Variants in PKIB observed in about 807,000 individuals in gnomAD.
PKIB encodes the protein cAMP-dependent protein kinase inhibitor beta.
In PKIB, 2 loss-of-function variants were observed where a neutral mutation model predicts 4.5. The ratio of observed to expected loss-of-function variants is 0.44; its 90% CI spans 0.18 to 1.39. The LOEUF (loss-of-function observed/expected upper bound fraction) is 1.39. Ranked by LOEUF, PKIB falls within the 40% of genes most tolerant of loss-of-function variation. PKIB has a pLI of 0.27. For missense variants in PKIB, 94 were observed against 92.6 expected, an observed-to-expected ratio of 1.02 and a Z score of -0.06; for synonymous variants, 38 against 36.0, an observed-to-expected ratio of 1.06 and a Z score of -0.20.
intron 2 of PKIB, among the ~76,000 whole-genome samples, chr6:122,556,691 T>C (rs1772852559): frequency 6.6e-6 from 1 of 152,070 alleles, no homozygotes. Flanking sequence ...GCACAGAGCT[T>C]TAATAATTTT....
At chr6:122,629,212 C>G (rs1350219031) in intron 1 of PKIB, among the ~76,000 whole-genome samples, 1 of 152,134 alleles carries the variant, frequency 6.6e-6, no homozygotes. Context: ...CCAGATAGAG[C>G]TATATGCTAG....
At chr6:122,677,873 TCC>T (rs1449734783) in intron 3 of PKIB, among the ~76,000 whole-genome samples, 32 of 115,866 alleles carry the variant, frequency 2.8e-4, no homozygotes, top group Middle Eastern at 4.3e-3. Flanking sequence ...CTTCCTTCCT[TCC>T]TTCCTTCCTT....
intron 2 of PKIB, among the ~76,000 whole-genome samples, chr6:122,565,384 T>C (rs972716884): frequency 1.3e-5 from 2 of 152,170 alleles, no homozygotes; most frequent in African/African-American, 4.8e-5. Flanking sequence ...AGATTTTGCC[T>C]TTTTTGATTT....
At chr6:122,611,715 T>C (rs897023651) in intron 1 of PKIB, among the ~76,000 whole-genome samples, 2 of 152,194 alleles carry the variant, frequency 1.3e-5, no homozygotes, top group African/African-American at 4.8e-5. Flanking sequence ...CCTGGGATTT[T>C]ATATTTAGAA....
chr6:122,713,279 A>T (rs114392656), intron 3 of PKIB, among the ~76,000 whole-genome samples: 206 of 152,280 alleles, frequency 1.4e-3, no homozygotes, highest in African/African-American at 4.7e-3. Context: ...ACAGTTGACA[A>T]AGCAGCACTC....
chr6:122,628,264 C>T (rs62422816), intron 1 of PKIB, among the ~76,000 whole-genome samples: 7,141 of 152,180 alleles, frequency 0.047, 183 homozygotes, highest in South Asian at 0.094. Context: ...CTCAAACTCC[C>T]GACCTCAGGT....
intron 1 of PKIB, among the ~76,000 whole-genome samples, chr6:122,624,184 C>A (rs1775345459): frequency 6.6e-6 from 1 of 152,086 alleles, no homozygotes; most frequent in South Asian, 2.1e-4. Flanking sequence ...TTCAGGAGGG[C>A]AACTTAATCA....
intron 1 of PKIB, among the ~76,000 whole-genome samples, chr6:122,611,729 T>C (rs1774767452): frequency 6.6e-6 from 1 of 152,182 alleles, no homozygotes; most frequent in South Asian, 2.1e-4. Context: ...TTTAGAAAGC[T>C]CAGCATTTGG....
intron 3 of PKIB, among the ~76,000 whole-genome samples, chr6:122,604,690 C>G (rs185068352): frequency 3.9e-5 from 6 of 152,322 alleles, no homozygotes; most frequent in African/African-American, 9.6e-5. Context: ...CTTAGTTCTT[C>G]ATCTTCCCTT....
chr6:122,701,579 G>A, intron 3 of PKIB: 1 of 1,502,570 alleles, frequency 6.7e-7, no homozygotes, highest in South Asian at 1.2e-5. Context: ...TGCCACATAG[G>A]CCATAGCTCA....
intron 2 of PKIB, among the ~76,000 whole-genome samples, chr6:122,666,540 T>C (rs1777225941): frequency 3.3e-5 from 5 of 152,234 alleles, no homozygotes. Context: ...TTCTGGTGGA[T>C]ACGCAATATG....
At chr6:122,481,963 T>TA (rs1183113805) in intron 2 of PKIB, 3 of 150,430 alleles carry the variant, frequency 2.0e-5, no homozygotes, top group African/African-American at 4.9e-5. Context: ...AAAGGTAAGT[T>TA]TTGTTTTTTT....
chr6:122,538,461 T>C (rs1777477638), intron 2 of PKIB, among the ~76,000 whole-genome samples: 2 of 152,100 alleles, frequency 1.3e-5, no homozygotes, highest in Non-Finnish European at 2.9e-5. Context: ...CTTGTTTTTG[T>C]CAGGTTTGTC....
At chr6:122,620,732 T>C (rs1247137123) in intron 1 of PKIB, among the ~76,000 whole-genome samples, 4 of 152,212 alleles carry the variant, frequency 2.6e-5, no homozygotes, top group Non-Finnish European at 4.4e-5. Context: ...ATTTTTTAAT[T>C]AGTATGTTGA....
At chr6:122,718,598 AT>A (rs1038912838) in intron 4 of PKIB, among the ~76,000 whole-genome samples, 1 of 152,230 alleles carries the variant, frequency 6.6e-6, no homozygotes, top group Non-Finnish European at 1.5e-5. Context: ...ATTAAAGATC[AT>A]TTTAGTTCCA....
At chr6:122,622,477 G>A (rs2114792857) in intron 1 of PKIB, among the ~76,000 whole-genome samples, 1 of 152,272 alleles carries the variant, frequency 6.6e-6, no homozygotes, top group South Asian at 2.1e-4. Context: ...AGCTATCATT[G>A]GAGAACATTC....
At chr6:122,518,872 T>C (rs1269702569) in intron 2 of PKIB, among the ~76,000 whole-genome samples, 2 of 152,212 alleles carry the variant, frequency 1.3e-5, no homozygotes, top group Non-Finnish European at 2.9e-5. Flanking sequence ...TTTTAAAAAT[T>C]GGTCATTCAG....
intron 2 of PKIB, among the ~76,000 whole-genome samples, chr6:122,569,333 C>G (rs1239289737): frequency 2.0e-5 from 3 of 152,188 alleles, no homozygotes; most frequent in Non-Finnish European, 4.4e-5. Context: ...TTTTAAAGTG[C>G]CATCTCTTGG....
rs573120440 is a variant in PKIB at position 122,486,427 on chromosome 6, C to T, written c.-248+8488C>T. On this transcript the variant is annotated intron_variant, in intron 2 of 6. Coordinates refer to the PKIB transcript ENST00000392491. ...CAACCATAGTTGCTTGATCCACCCT[C>T]GTCTTCTATATTTATTATTTCATGT... Among the ~76,000 whole-genome samples the T allele has an allele frequency of 5.9e-5, 9 of 152,012 alleles. No individual in the cohort carries two copies. In the South Asian group the frequency reaches 1.0e-3, roughly 18 times the overall value.
Sources: allele counts gnomAD v4.1 joint callset (sites outside exome capture counted in the v4.1 genomes callset), GRCh38; gene constraint gnomAD v4.1.1; transcripts MANE v1.5; gene names NCBI Gene and HGNC (gene_info 2026-07-23, HGNC 2026-07-21).